ENTPD6: variants seen among roughly 807,000 people sequenced by gnomAD.
The protein encoded by ENTPD6 is ectonucleoside triphosphate diphosphohydrolase 6.
ENTPD6 carries 46 observed loss-of-function variants against 61.5 expected under a neutral mutation model. The ratio of observed to expected loss-of-function variants is 0.75; its 90% CI spans 0.59 to 0.96. The LOEUF (loss-of-function observed/expected upper bound fraction) is 0.96, where lower values mean the gene tolerates loss of function less well. ENTPD6 is among the 40% of genes least tolerant of loss of function. The pLI is 0.00. For missense variants in ENTPD6, 612 were observed against 629.0 expected (o/e 0.97, Z 0.29); for synonymous variants, 252 against 255.5 (o/e 0.99, Z 0.13).
At chr20:25,205,452 C>T (rs1259131599) in intron 1 of ENTPD6, among the ~76,000 whole-genome samples, 2 of 152,122 alleles carry the variant, frequency 1.3e-5, no homozygotes, top group Non-Finnish European at 2.9e-5. Flanking sequence ...GAAGAAGGCA[C>T]TGTTCTCAGA....
rs749777539 is a variant in ENTPD6, at chr20:25,207,199, A to G, written c.178A>G (p.Ile60Val). 1.2e-5 allele frequency: 19 copies of G among 1,613,982 alleles called. No individual in the cohort carries two copies. The highest frequency in any genetic ancestry group is 9.3e-5 in the African/African-American group (7 of 74,918). ...GGGCGTGTTCATCTATGTTGCCTAC[A>G]TCAAGTGGCACCGGGCCACCGCCAC... is the stretch of plus-strand genomic sequence containing the variant. ...CVGVFIYVAYIKWHRATATQA... is the reference protein window; with the variant it reads ...CVGVFIYVAYVKWHRATATQA... The change falls in exon 3 of 15, where the codon ATC becomes GTC. Residue 60 changes from isoleucine (I) to valine (V), a missense_variant. By Grantham distance (29) the Ile-to-Val change is conservative. Coordinates refer to ENST00000376652, the MANE Select transcript of ENTPD6 (RefSeq NM_001247.5).
At chr20:25,223,068 G>A in intron 12 of ENTPD6, 90 bp downstream of exon 12, 1 of 1,465,322 alleles carries the variant, frequency 6.8e-7, no homozygotes, top group Non-Finnish European at 9.2e-7. Flanking sequence ...GAGGGCTGGT[G>A]GCAGGCAAGC....
chr20:25,201,839 C>T (rs1401531600), intron 1 of ENTPD6, among the ~76,000 whole-genome samples: 1 of 152,156 alleles, frequency 6.6e-6, no homozygotes, highest in African/African-American at 2.4e-5. Flanking sequence ...CCTCAGCCTC[C>T]CCAAGGAGCT....
At chr20:25,216,600 C>G in intron 7 of ENTPD6, 48 bp from the exon 8 acceptor site, 1 of 1,432,510 alleles carries the variant, frequency 7.0e-7, no homozygotes, top group Non-Finnish European at 9.6e-7. Context: ...CTGCTGTTCT[C>G]GCGATCTTAC....
rs570816292 is a variant in ENTPD6, at chr20:25,227,132, C to T, written c.*1535C>T. On this transcript the variant is annotated 3_prime_UTR_variant, in exon 15 of 15. Transcript: ENST00000376652. ...CATCCCGAGTGCTTGTGCCTGAAGC[C>T]CCCCCCAACCAACTGTCACAGGAGG... 7.2e-5 allele frequency among the ~76,000 whole-genome samples: 11 copies of T among 152,302 alleles called. No homozygotes were observed. The highest frequency in any genetic ancestry group is 4.1e-4 in the South Asian group (2 of 4,824).
chr20:25,199,487 A>C (rs2090849029), intron 1 of ENTPD6, among the ~76,000 whole-genome samples: 1 of 152,192 alleles, frequency 6.6e-6, no homozygotes, highest in South Asian at 2.1e-4. Flanking sequence ...GGATTTTAGA[A>C]GTTGCCATAA....
intron 11 of ENTPD6, among the ~76,000 whole-genome samples, chr20:25,221,632 T>C (rs554184342): frequency 1.3e-5 from 2 of 152,254 alleles, no homozygotes; most frequent in Non-Finnish European, 2.9e-5. Flanking sequence ...AGCTTGGGGC[T>C]GAGATGCAGG....
intron 5 of ENTPD6, among the ~76,000 whole-genome samples, chr20:25,213,740 A>G (rs571721130): frequency 6.6e-6 from 1 of 152,332 alleles, no homozygotes; most frequent in East Asian, 1.9e-4. Context: ...ATTTGAGCCC[A>G]GGAGTTCAAG....
intron 10 of ENTPD6, among the ~76,000 whole-genome samples, chr20:25,219,593 G>A (rs927738213): frequency 5.9e-5 from 9 of 152,306 alleles, no homozygotes; most frequent in East Asian, 1.9e-4. Flanking sequence ...GCTGGGGCAC[G>A]GCCCTGAGGC....
At chr20:25,207,013 C>A in intron 2 of ENTPD6, 63 bp from the exon 3 acceptor site, 1 of 1,473,660 alleles carries the variant, frequency 6.8e-7, no homozygotes, top group South Asian at 1.3e-5. Context: ...CTGGGGACGT[C>A]TGACTCTCCT....
intron 9 of ENTPD6, 39 bp downstream of exon 9, chr20:25,217,620 G>T (rs770908378): frequency 8.2e-6 from 13 of 1,576,558 alleles, no homozygotes; most frequent in African/African-American, 4.0e-5. Flanking sequence ...GCGCCATGGG[G>T]TGGGTATGCA....
At chr20:25,197,776 G>T (rs115666753) in intron 1 of ENTPD6, among the ~76,000 whole-genome samples, 113 of 152,346 alleles carry the variant, frequency 7.4e-4, no homozygotes, top group African/African-American at 2.6e-3. Context: ...CTGTGTTCTA[G>T]TTGGACTCTT....
intron 3 of ENTPD6, among the ~76,000 whole-genome samples, chr20:25,208,045 A>G (rs965023209): frequency 2.0e-5 from 3 of 152,090 alleles, no homozygotes; most frequent in African/African-American, 4.8e-5. Flanking sequence ...TTCGCCCTCC[A>G]TGTCTCTCTA....
chr20:25,197,266 A>G, intron 1 of ENTPD6: 1 of 983,808 alleles, frequency 1.0e-6, no homozygotes, highest in Non-Finnish European at 1.2e-6. Context: ...ACCAGGGGAC[A>G]GGGTAGCTCC....
chr20:25,216,823 CGGGGTGGGGTGG>C (rs2092344383), intron 8 of ENTPD6, 87 bp downstream of exon 8: 10 of 322,148 alleles, frequency 3.1e-5, no homozygotes, highest in East Asian at 1.0e-4. Flanking sequence ...TGAGGTGCTG[CGGGGTGGGGTGG>C]GGGGTGGGGT....
In ENTPD6 at chr20:25,227,522, AG is replaced by A. The variant is rs2092816865; in HGVS notation, c.*1926del. 6.6e-6 allele frequency among the ~76,000 whole-genome samples: 1 copy of A among 152,230 alleles called. No individual in the cohort carries two copies. Among genetic ancestry groups the A allele is most frequent in the African/African-American group, 2.4e-5 (1 of 41,460 alleles). ...AAAGTATGCAAGTCATTTCTCTCTG[AG>A]TGTCTTTTGTGATAATGAAGTAGGC... is the stretch of plus-strand genomic sequence containing the variant. On this transcript the variant is annotated 3_prime_UTR_variant, in exon 15 of 15. Coordinates refer to ENST00000376652, the MANE Select transcript of ENTPD6 (RefSeq NM_001247.5).
At chr20:25,218,529 A>G in intron 9 of ENTPD6, 21 bp from the exon 10 acceptor site, 1 of 1,594,464 alleles carries the variant, frequency 6.3e-7, no homozygotes, top group Non-Finnish European at 8.5e-7. Context: ...AGCTGCCCTC[A>G]CTGAGGTGTC....
intron 13 of ENTPD6, chr20:25,224,943 G>A (rs1019849561): frequency 3.8e-6 from 2 of 531,564 alleles, no homozygotes; most frequent in African/African-American, 3.8e-5. Flanking sequence ...ATGTAGAAAT[G>A]TGGCTTGGGA....
chr20:25,218,642 CT>C, intron 10 of ENTPD6, 28 bp downstream of exon 10: 1 of 1,572,004 alleles, frequency 6.4e-7, no homozygotes. Context: ...CCCGGGCCCA[CT>C]TTCACAGCCT....
Sources: gnomAD v4.1 joint callset for allele counts (sites outside exome capture counted in the v4.1 genomes callset) on GRCh38, gnomAD v4.1.1 for gene constraint, MANE v1.5 for transcripts, NCBI Gene and HGNC (gene_info 2026-07-23, HGNC 2026-07-21) for gene names.